Variants in ZPBP observed in about 807,000 individuals in gnomAD.
ZPBP encodes zona pellucida-binding protein 1.
A neutral mutation model predicts 44.8 loss-of-function variants in ZPBP; 26 were observed. That is an observed-to-expected ratio of 0.58 (90% CI 0.43 to 0.81). The LOEUF is 0.81. Ranked by LOEUF, ZPBP falls within the 30% of genes least tolerant of loss-of-function variation. ZPBP has a pLI of 0.00. For synonymous variants in ZPBP, 174 were observed against 153.2 expected, an observed-to-expected ratio of 1.14 and a Z score of -1.00; for missense variants, 409 against 434.0, an observed-to-expected ratio of 0.94 and a Z score of 0.51.
chr7:49,872,915 C>CAAAAAAAAAAAAAAAAAAAAAA (rs61473396), intron 2 of ZPBP, among the ~76,000 whole-genome samples: 1 of 33,944 alleles, frequency 2.9e-5, no homozygotes. Flanking sequence ...GACTTTGTCT[C>CAAAAAAAAAAAAAAAAAAAAAA]AAAAAAAAAA....
chr7:49,941,306 T>C (rs972782691), intron 7 of ZPBP, among the ~76,000 whole-genome samples: 1 of 152,098 alleles, frequency 6.6e-6, no homozygotes, highest in East Asian at 1.9e-4. Flanking sequence ...TCCAAAAGTA[T>C]TGAAAGCAGG....
chr7:49,912,809 A>C (rs997881053), intron 1 of ZPBP: 5 of 152,326 alleles, frequency 3.3e-5, no homozygotes, highest in African/African-American at 1.2e-4. Flanking sequence ...AGGTGTAAAG[A>C]TCACTAACTC....
At chr7:50,086,070 G>A (rs1487394703) in intron 2 of ZPBP, among the ~76,000 whole-genome samples, 1 of 152,078 alleles carries the variant, frequency 6.6e-6, no homozygotes, top group African/African-American at 2.4e-5. Flanking sequence ...AGTTCAAGAT[G>A]TTTAATGAAA....
intron 7 of ZPBP, among the ~76,000 whole-genome samples, chr7:49,981,343 T>TC (rs1562819152): frequency 1.3e-4 from 1 of 7,668 alleles, no homozygotes; most frequent in East Asian, 6.7e-3. Flanking sequence ...ATTATATATA[T>TC]TATATAATAT....
chr7:50,080,326 A>C (rs1270022988), intron 3 of ZPBP, among the ~76,000 whole-genome samples: 1 of 151,738 alleles, frequency 6.6e-6, no homozygotes. Context: ...TTCCCTGAGA[A>C]CAGTTTTTAT....
intron 4 of ZPBP, among the ~76,000 whole-genome samples, chr7:50,055,840 G>C (rs1046702922): frequency 2.6e-5 from 4 of 152,228 alleles, no homozygotes; most frequent in African/African-American, 7.2e-5. Flanking sequence ...TAGCATATGT[G>C]AATATGTACT....
At chr7:49,985,877 T>G (rs1255155845) in intron 6 of ZPBP, among the ~76,000 whole-genome samples, 1 of 152,192 alleles carries the variant, frequency 6.6e-6, no homozygotes, top group African/African-American at 2.4e-5. Context: ...TGGGGATTCA[T>G]GCCTTAAGCA....
chr7:50,062,070 C>T (rs1289192852), intron 3 of ZPBP, among the ~76,000 whole-genome samples: 2 of 152,152 alleles, frequency 1.3e-5, no homozygotes, highest in African/African-American at 4.8e-5. Context: ...CAATCCCATT[C>T]ACAATGGCCA....
chr7:49,883,226 G>A lies in ZPBP; in HGVS notation n.509+17892C>T, dbSNP rs558353573. ...GTCGACTGACCCGAACCTGCCAAGC[G>A]GAACCTAACCCAGGGAGGCGTCTTT... On this transcript the variant is annotated intron_variant and non_coding_transcript_variant, in intron 2 of 2. Transcript: ENST00000465922. Among the ~76,000 whole-genome samples, 10 of 152,184 alleles carry A rather than the reference G, an allele frequency of 6.6e-5. No individual in the cohort carries two copies. In the South Asian group the frequency reaches 1.9e-3, roughly 28 times the overall value.
At chr7:49,957,409 G>T (rs1237751474) in intron 7 of ZPBP, among the ~76,000 whole-genome samples, 1 of 152,166 alleles carries the variant, frequency 6.6e-6, no homozygotes, top group African/African-American at 2.4e-5. Flanking sequence ...TGTGAAAAGA[G>T]AGGCCTAGTG....
intron 2 of ZPBP, among the ~76,000 whole-genome samples, chr7:49,880,707 AG>A: frequency 6.6e-6 from 1 of 152,074 alleles, no homozygotes. Context: ...GGGAAGGGAT[AG>A]CATTAGGAGA....
Position 50,093,176 on chromosome 7 carries a change from C to G in ZPBP, c.19G>C (p.Gly7Arg), listed in dbSNP as rs2128860830. 6.5e-7 allele frequency: 1 copy of G among 1,535,804 alleles called. No individual in the cohort carries two copies. Among genetic ancestry groups the G allele is most frequent in the Non-Finnish European group, 8.8e-7 (1 of 1,142,698 alleles). The change falls in exon 1 of 8, where the codon GGC becomes CGC. Residue 7 changes from glycine to arginine, a missense_variant. Physicochemically the swap from Gly to Arg is moderately radical, Grantham distance 125. Transcript: ENST00000046087. ...CGCCGCCTGCCCCGCCGCGCTGGGC[C>G]AAGGGCGAAGGCCTCCATCCACACG... Reference protein sequence around the residue: MEAFALGPARRGRRRTR... With the variant: MEAFALRPARRGRRRTR...
chr7:50,022,827 C>A (rs1799157542), intron 5 of ZPBP, among the ~76,000 whole-genome samples: 1 of 151,976 alleles, frequency 6.6e-6, no homozygotes, highest in Non-Finnish European at 1.5e-5. Context: ...GGAGCCATTA[C>A]CAGGATAATT....
intron 2 of ZPBP, among the ~76,000 whole-genome samples, chr7:49,896,800 G>A (rs1408420757): frequency 6.6e-6 from 1 of 150,928 alleles, no homozygotes; most frequent in Non-Finnish European, 1.5e-5. Flanking sequence ...TGTAGACAAA[G>A]TCCTCAAAAA....
intron 2 of ZPBP, among the ~76,000 whole-genome samples, chr7:50,084,770 G>A (rs927807600): frequency 7.2e-5 from 11 of 151,894 alleles, no homozygotes; most frequent in East Asian, 1.9e-4. Context: ...CCCAGATAAC[G>A]TTTTATAATT....
At chr7:50,004,944 T>C (rs1459849757) in intron 6 of ZPBP, among the ~76,000 whole-genome samples, 2 of 151,266 alleles carry the variant, frequency 1.3e-5, no homozygotes, top group Non-Finnish European at 2.9e-5. Flanking sequence ...CAAAAATACA[T>C]AAAGCTCAGT....
At chr7:50,035,434 G>A (rs1383027486) in intron 4 of ZPBP, among the ~76,000 whole-genome samples, 1 of 152,184 alleles carries the variant, frequency 6.6e-6, no homozygotes, top group Non-Finnish European at 1.5e-5. Context: ...CAACACAGTA[G>A]AAATAGCAAA....
intron 2 of ZPBP, among the ~76,000 whole-genome samples, chr7:49,888,078 A>T (rs1333712391): frequency 3.3e-5 from 5 of 152,198 alleles, no homozygotes; most frequent in African/African-American, 1.2e-4. Flanking sequence ...TCTCTGTCCA[A>T]CTCAGAGACT....
At chr7:49,936,931 C>T (rs986553361), downstream of ZPBP, among the ~76,000 whole-genome samples, 5 of 151,978 alleles carry the variant, frequency 3.3e-5, no homozygotes, top group African/African-American at 1.2e-4. Flanking sequence ...AATAATTACT[C>T]CATTCTAAAA....
Sources: gnomAD v4.1 joint callset for allele counts (sites outside exome capture counted in the v4.1 genomes callset) on GRCh38, gnomAD v4.1.1 for gene constraint, MANE v1.5 for transcripts, NCBI Gene and HGNC (gene_info 2026-07-23, HGNC 2026-07-21) for gene names.